Variants in GLUD1 observed in about 807,000 individuals in gnomAD.
GLUD1 encodes glutamate dehydrogenase 1.
A neutral mutation model predicts 56.0 loss-of-function variants in GLUD1; 22 were observed. That is an observed-to-expected ratio of 0.39 (90% CI 0.28 to 0.56). The LOEUF (loss-of-function observed/expected upper bound fraction) is 0.56. GLUD1 is among the 20% of genes least tolerant of loss of function. The probability of loss-of-function intolerance (pLI) is 0.58; values close to 1 mark genes in which losing one functional copy is unlikely to be tolerated. For synonymous variants in GLUD1, 223 were observed against 269.9 expected (o/e 0.83, Z 1.70); for missense variants, 451 against 732.0 (o/e 0.62, Z 4.43).
In GLUD1 at chr10:87,080,590, GC is replaced by G. The variant is rs532168583; in HGVS notation, c.446-3935del. 2.6e-3 allele frequency among the ~76,000 whole-genome samples: 385 copies of G among 148,840 alleles called. 1 individual carries two copies. The highest frequency in any genetic ancestry group is 9.2e-3 in the African/African-American group (366 of 39,844). ...ATGTGGGGAGCGCCTTTGCCCCGCC[GC>G]CCCGTCTGGGATGTGAGGAGCGCCT... is the stretch of plus-strand genomic sequence containing the variant. On this transcript the variant is annotated intron_variant, in intron 1 of 12. Transcript: ENST00000277865.
intron 1 of GLUD1, among the ~76,000 whole-genome samples, chr10:87,087,743 T>C (rs1390572606): frequency 2.0e-5 from 3 of 152,220 alleles, no homozygotes; most frequent in African/African-American, 7.2e-5. Context: ...TTATCTGAAA[T>C]GGCCTTATCC....
At chr10:87,077,205 C>G (rs1846423071) in intron 1 of GLUD1, among the ~76,000 whole-genome samples, 1 of 152,028 alleles carries the variant, frequency 6.6e-6, no homozygotes, top group African/African-American at 2.4e-5. Context: ...GAGACAGGAT[C>G]TCACCATGTT....
chr10:87,092,141 T>C lies in GLUD1; in HGVS notation c.445+2184A>G, dbSNP rs1451683103. On this transcript the variant is annotated intron_variant, in intron 1 of 12. Coordinates refer to ENST00000277865, the MANE Select transcript of GLUD1 (RefSeq NM_005271.5). ...CAAACAAGGGTGATAAATGGGTAGA[T>C]AGATCTGGGGATGTCTTGAACACAA... 2.0e-5 allele frequency among the ~76,000 whole-genome samples: 3 copies of C among 152,218 alleles called. No individual in the cohort carries two copies. In the East Asian group the frequency reaches 5.8e-4, roughly 29 times the overall value.
intron 1 of GLUD1, chr10:87,092,673 A>T (rs1269408356): frequency 1.1e-6 from 1 of 878,062 alleles, no homozygotes; most frequent in African/African-American, 1.8e-5. Flanking sequence ...TCGAAGAAAA[A>T]GGATTTCAGA....
intron 4 of GLUD1, among the ~76,000 whole-genome samples, chr10:87,073,915 TC>T (rs1846309593): frequency 6.6e-6 from 1 of 151,950 alleles, no homozygotes; most frequent in Non-Finnish European, 1.5e-5. Flanking sequence ...GCCACCACGC[TC>T]GGCAGTAAGT....
chr10:87,063,466 C>T lies in GLUD1; in HGVS notation c.742-631G>A, dbSNP rs369956495. 2.6e-5 allele frequency among the ~76,000 whole-genome samples: 4 copies of T among 152,114 alleles called. No homozygotes were observed. The East Asian group carries it at 7.7e-4, about 29-fold the overall frequency. On this transcript the variant is annotated intron_variant, in intron 5 of 12. Coordinates refer to ENST00000277865, the MANE Select transcript of GLUD1 (RefSeq NM_005271.5). ...CATCACAAAAGTAGAGCTAGCTCAG[C>T]CTAAAGCTATCATTCCTTCAACAAG...
intron 1 of GLUD1, chr10:87,093,847 T>C (rs1841615182): frequency 9.2e-7 from 1 of 1,087,916 alleles, no homozygotes; most frequent in South Asian, 1.3e-5. Flanking sequence ...TCATTTTCTA[T>C]GTTCGGATAT....
At position 87,094,779 on chromosome 10, in the gene GLUD1, C is replaced by A; in HGVS notation, c.-10G>T. On this transcript the variant is annotated 5_prime_UTR_variant, in exon 1 of 13. Coordinates refer to ENST00000277865, the MANE Select transcript of GLUD1 (RefSeq NM_005271.5). This position sits in a 1 kb window ranked among gnomAD's most constrained non-coding sequence, Gnocchi z 6.6. ...CCAGGTAGCGGTACATGGCCACAAG[C>A]GGAGGGGAGGTGCGTGATGGTCGCG... 2 of 1,532,320 alleles carry A rather than the reference C, an allele frequency of 1.3e-6. No homozygotes were observed. The highest frequency in any genetic ancestry group is 1.8e-6 in the Non-Finnish European group (2 of 1,136,158). 94.9% of individuals were successfully genotyped at this position (1,532,320 alleles called of 1,614,324 possible).
In GLUD1 at chr10:87,060,076, T is replaced by C; in HGVS notation, c.1278+85A>G. 5.6e-6 allele frequency: 5 copies of C among 887,714 alleles called. 1 individual carries two copies. In the South Asian group the frequency reaches 6.6e-5, roughly 12 times the overall value. 55.0% of individuals were successfully genotyped at this position (887,714 alleles called of 1,614,324 possible). A position where few individuals can be genotyped will look rare whatever the true frequency, so the allele number is the denominator to read the frequency against. On this transcript the variant is annotated intron_variant, in intron 9 of 12. Transcript: ENST00000277865. ...GAATTCACTAGAGCTTGGAGACTAATAATTCCTCTCTTCCTCCAAATTCCT... is the reference window on the plus strand; with the variant it reads ...GAATTCACTAGAGCTTGGAGACTAACAATTCCTCTCTTCCTCCAAATTCCT...
At chr10:87,081,311 C>T (rs1285179653) in intron 1 of GLUD1, among the ~76,000 whole-genome samples, 5 of 144,538 alleles carry the variant, frequency 3.5e-5, no homozygotes, top group East Asian at 2.1e-4. Flanking sequence ...CCACCCCGTC[C>T]GGGAGGGAGG....
chr10:87,080,959 G>T (rs1331410601), intron 1 of GLUD1, among the ~76,000 whole-genome samples: 1 of 143,906 alleles, frequency 6.9e-6, no homozygotes, highest in Admixed American at 6.9e-5. Context: ...CAGCCGCTCC[G>T]AGAGGGAGGT....
chr10:87,052,803 CTA>C (rs1042684555), intron 12 of GLUD1, among the ~76,000 whole-genome samples: 1 of 151,842 alleles, frequency 6.6e-6, no homozygotes, highest in African/African-American at 2.4e-5. Context: ...CACATACACC[CTA>C]TCTCGATCAA....
intron 1 of GLUD1, among the ~76,000 whole-genome samples, chr10:87,079,595 A>T (rs1407214654): frequency 2.0e-5 from 3 of 152,206 alleles, no homozygotes; most frequent in African/African-American, 7.2e-5. Flanking sequence ...CCCAGCCTGC[A>T]CCATCCGCTT....
intron 11 of GLUD1, among the ~76,000 whole-genome samples, chr10:87,056,292 C>CTTT (rs556387150): frequency 7.4e-6 from 1 of 135,286 alleles, no homozygotes; most frequent in Non-Finnish European, 1.6e-5. Flanking sequence ...TACACCGTTT[C>CTTT]TTTTTTTTTT....
At chr10:87,077,590 G>A (rs1472797359) in intron 1 of GLUD1, among the ~76,000 whole-genome samples, 6 of 150,178 alleles carry the variant, frequency 4.0e-5, no homozygotes, top group African/African-American at 1.5e-4. Flanking sequence ...TAGCCATTAC[G>A]TGTTGGTACA....
At chr10:87,067,973 G>A (rs988370844) in intron 5 of GLUD1, 90 bp downstream of exon 5, 4 of 769,682 alleles carry the variant, frequency 5.2e-6, no homozygotes, top group Non-Finnish European at 9.3e-6. Context: ...GAAAAACCCA[G>A]GGATTCTCAA....
At chr10:87,092,323 T>C (rs901029731) in intron 1 of GLUD1, among the ~76,000 whole-genome samples, 5 of 152,228 alleles carry the variant, frequency 3.3e-5, no homozygotes, top group African/African-American at 4.8e-5. Flanking sequence ...TGTCACTTTG[T>C]AGAGGCCAAT....
At chr10:87,086,158 C>CT (rs1269804029) in intron 1 of GLUD1, among the ~76,000 whole-genome samples, 1 of 152,190 alleles carries the variant, frequency 6.6e-6, no homozygotes, top group Admixed American at 6.5e-5. Flanking sequence ...GGCAGAGGGA[C>CT]TGCACTATTC....
chr10:87,052,668 T>TAAAAA (rs1285140190), intron 12 of GLUD1, among the ~76,000 whole-genome samples: 3 of 16,568 alleles, frequency 1.8e-4, no homozygotes, highest in African/African-American at 2.6e-4. Flanking sequence ...AAACTCCGTC[T>TAAAAA]CAAAAAAAAA....
Sources: allele counts gnomAD v4.1 joint callset (sites outside exome capture counted in the v4.1 genomes callset), GRCh38; gene constraint gnomAD v4.1.1; non-coding constraint Gnocchi (gnomAD v3.1); transcripts MANE v1.5; gene names NCBI Gene and HGNC (gene_info 2026-07-23, HGNC 2026-07-21).